Variants in SYCP2 observed in about 807,000 individuals in gnomAD.
SYCP2 encodes synaptonemal complex lateral element protein.
Under a neutral mutation model 211.3 loss-of-function variants are expected in SYCP2, and 55 were observed. The observed-to-expected ratio is 0.26, with a 90% CI of 0.21 to 0.33. The LOEUF (loss-of-function observed/expected upper bound fraction) is 0.33, where lower values mean the gene tolerates loss of function less well. Among genes scored for constraint, SYCP2 ranks in the 10% least tolerant of loss-of-function variants. The pLI, the probability that SYCP2 is intolerant of heterozygous loss-of-function variation, is 1.00. For synonymous variants in SYCP2, 570 were observed against 555.2 expected, an observed-to-expected ratio of 1.03 and a Z score of -0.37; for missense variants, 1,731 against 1,752.0, an observed-to-expected ratio of 0.99 and a Z score of 0.21.
At chr20:59,920,321 T>G (rs898639873) in intron 5 of SYCP2, 38 bp downstream of exon 5, 2 of 1,478,224 alleles carry the variant, frequency 1.4e-6, no homozygotes, top group African/African-American at 1.4e-5. Context: ...TTTTATAATA[T>G]TTCATTCACA....
At chr20:59,893,847 A>T (rs1300756425) in intron 20 of SYCP2, among the ~76,000 whole-genome samples, 1 of 152,060 alleles carries the variant, frequency 6.6e-6, no homozygotes, top group South Asian at 2.1e-4. Flanking sequence ...CTAGCATAAT[A>T]ATTCAGTTTT....
chr20:59,876,421 A>ATAGAAAATG (rs1395996081), intron 33 of SYCP2, among the ~76,000 whole-genome samples: 8 of 135,760 alleles, frequency 5.9e-5, no homozygotes, highest in African/African-American at 1.9e-4. Context: ...AGAAGAAGTG[A>ATAGAAAATG]TAGAAAATGT....
At chr20:59,912,117 A>G in intron 13 of SYCP2, 1 of 416,954 alleles carries the variant, frequency 2.4e-6, no homozygotes, top group Non-Finnish European at 4.3e-6. Context: ...TTCATACATG[A>G]TAAATCAATA....
intron 7 of SYCP2, among the ~76,000 whole-genome samples, chr20:59,917,315 T>C (rs976587936): frequency 6.6e-6 from 1 of 152,170 alleles, no homozygotes; most frequent in South Asian, 2.1e-4. Flanking sequence ...TTAACGCATT[T>C]TTGAAAGATG....
At chr20:59,917,834 T>G (rs560092192) in intron 7 of SYCP2, among the ~76,000 whole-genome samples, 1 of 152,202 alleles carries the variant, frequency 6.6e-6, no homozygotes, top group African/African-American at 2.4e-5. Context: ...CAATTTACTA[T>G]TGAAAATTTG....
rs72056167 is a variant in SYCP2 at position 59,927,719 on chromosome 20, CCTCT to C, written c.-47+4339_-47+4342del. 8.2e-3 allele frequency among the ~76,000 whole-genome samples: 1,253 copies of C among 152,182 alleles called. 21 individuals are homozygous for C. Among genetic ancestry groups the C allele is most frequent in the African/African-American group, 0.028 (1,147 of 41,524 alleles). On this transcript the variant is annotated intron_variant, in intron 2 of 44. Coordinates refer to ENST00000357552, the MANE Select transcript of SYCP2 (RefSeq NM_014258.4). ...TGAGAAAGACTGAGTATACCATCGGCCTCTCTCTATTTCTTTAATTTACATCACC... is the reference window on the plus strand; with the variant it reads ...TGAGAAAGACTGAGTATACCATCGGCCTCTATTTCTTTAATTTACATCACC...
intron 44 of SYCP2, 33 bp from the exon 45 acceptor site, chr20:59,864,421 T>C: frequency 6.9e-7 from 1 of 1,441,992 alleles, no homozygotes. Context: ...CACACTTAGA[T>C]TTCACATTTT....
chr20:59,894,882 C>T (rs2059977815), intron 20 of SYCP2, among the ~76,000 whole-genome samples: 1 of 152,050 alleles, frequency 6.6e-6, no homozygotes, highest in African/African-American at 2.4e-5. Flanking sequence ...TGCCCTTCTC[C>T]TCAATATCCA....
At chr20:59,900,335 G>A in intron 17 of SYCP2, 51 bp from the exon 18 acceptor site, 1 of 1,461,708 alleles carries the variant, frequency 6.8e-7, no homozygotes, top group Non-Finnish European at 9.1e-7. Context: ...ACCACAGAAA[G>A]TAATCAACAA....
At chr20:59,913,399 C>T (rs1459928358) in intron 12 of SYCP2, among the ~76,000 whole-genome samples, 1 of 152,130 alleles carries the variant, frequency 6.6e-6, no homozygotes, top group Non-Finnish European at 1.5e-5. Flanking sequence ...AATGTGAACT[C>T]ATTCATCCAA....
At chr20:59,869,667 C>A in intron 36 of SYCP2, 131 bp downstream of exon 36, 2 of 534,552 alleles carry the variant, frequency 3.7e-6, no homozygotes, top group Non-Finnish European at 6.5e-6. Flanking sequence ...ATACTTTAAA[C>A]ATCAGATTTT....
chr20:59,932,157 G>A lies in SYCP2; in HGVS notation c.-139-3C>T, dbSNP rs1482622497. The A allele has an allele frequency of 6.6e-6, 1 of 152,188 alleles. No homozygotes were observed. The highest frequency in any genetic ancestry group is 1.5e-5 in the Non-Finnish European group (1 of 68,044). 9.4% of individuals were successfully genotyped at this position (152,188 alleles called of 1,614,324 possible). On this transcript the variant is annotated splice_region_variant and splice_polypyrimidine_tract_variant and intron_variant, in intron 1 of 44. Coordinates refer to ENST00000357552, the MANE Select transcript of SYCP2 (RefSeq NM_014258.4). Reference sequence around the variant, plus strand: ...CTAGTAAGATGATGATTGTGTATCTGCAGGCAGATAAAAGCGTTACGGATA... The same window carrying A: ...CTAGTAAGATGATGATTGTGTATCTACAGGCAGATAAAAGCGTTACGGATA...
chr20:59,890,624 G>C (rs913816130), intron 24 of SYCP2, among the ~76,000 whole-genome samples: 10 of 152,004 alleles, frequency 6.6e-5, no homozygotes, highest in African/African-American at 2.4e-4. Context: ...AGTGATTCAT[G>C]AACTGGTGGG....
intron 18 of SYCP2, among the ~76,000 whole-genome samples, chr20:59,899,298 C>T (rs6027184): frequency 0.018 from 2,732 of 152,148 alleles, 86 homozygotes; most frequent in African/African-American, 0.063. Flanking sequence ...AGTAGTATTA[C>T]TGAAATACAG....
intron 12 of SYCP2, among the ~76,000 whole-genome samples, chr20:59,913,073 G>C (rs2060362543): frequency 1.3e-5 from 2 of 152,008 alleles, no homozygotes; most frequent in Non-Finnish European, 2.9e-5. Context: ...AATATGAGCA[G>C]AGTTTCCTAA....
intron 24 of SYCP2, among the ~76,000 whole-genome samples, chr20:59,889,053 C>T (rs6027172): frequency 0.018 from 2,739 of 151,984 alleles, 87 homozygotes; most frequent in African/African-American, 0.063. Context: ...TTCTTCCTAA[C>T]GATCTATAAA....
intron 2 of SYCP2, 40 bp downstream of exon 2, chr20:59,932,022 A>G (rs929520624): frequency 2.0e-5 from 3 of 152,228 alleles, no homozygotes; most frequent in Non-Finnish European, 2.9e-5. Flanking sequence ...TCGGAAACCG[A>G]GAACAGAATA....
intron 44 of SYCP2, 59 bp downstream of exon 44, chr20:59,865,329 A>T (rs2059308160): frequency 2.9e-6 from 4 of 1,390,678 alleles, no homozygotes; most frequent in Non-Finnish European, 4.0e-6. Flanking sequence ...CACACAAAAA[A>T]ATCAAAAACA....
chr20:59,911,768 G>A lies in SYCP2; in HGVS notation c.954C>T (p.Tyr318=), dbSNP rs1292986139. Residue 318 remains tyrosine (Y), a synonymous_variant, in exon 14 of 45, where the codon TAC becomes TAT. Coordinates refer to ENST00000357552, the MANE Select transcript of SYCP2 (RefSeq NM_014258.4). ...FNLGSQTLSF[Y]IAGDNDDHQW... ...AACTTACATCATTATCTCCAGCAAT[G>A]TAGAATGAGAGAGTCTGACTCCCAA... 2.5e-6 allele frequency: 4 copies of A among 1,572,762 alleles called. No individual in the cohort carries two copies. Among genetic ancestry groups the A allele is most frequent in the Non-Finnish European group, 3.5e-6 (4 of 1,152,114 alleles).
Sources: gnomAD v4.1 joint callset for allele counts (sites outside exome capture counted in the v4.1 genomes callset) on GRCh38, gnomAD v4.1.1 for gene constraint, MANE v1.5 for transcripts, NCBI Gene and HGNC (gene_info 2026-07-23, HGNC 2026-07-21) for gene names.